ATF7IP: variants seen among roughly 807,000 people sequenced by gnomAD.
ATF7IP encodes activating transcription factor 7 interacting protein.
A neutral mutation model predicts 106.4 loss-of-function variants in ATF7IP; 23 were observed. The observed-to-expected ratio is 0.22, with a 90% CI of 0.16 to 0.31. The LOEUF (loss-of-function observed/expected upper bound fraction) is 0.31. Ranked by LOEUF, ATF7IP falls within the 10% of genes least tolerant of loss-of-function variation. The pLI is 1.00. For synonymous variants in ATF7IP, 542 were observed against 539.0 expected (o/e 1.01, Z -0.08); for missense variants, 1,334 against 1,524.3 (o/e 0.88, Z 2.08).
At chr12:14,409,800 C>T (rs142162962) in intron 1 of ATF7IP, among the ~76,000 whole-genome samples, 79 of 152,166 alleles carry the variant, frequency 5.2e-4, no homozygotes, top group Admixed American at 1.2e-3. Flanking sequence ...AACCAACACT[C>T]GGTTCTCTTG....
intron 1 of ATF7IP, among the ~76,000 whole-genome samples, chr12:14,401,486 C>T (rs1281165041): frequency 2.0e-5 from 3 of 152,090 alleles, no homozygotes; most frequent in African/African-American, 4.8e-5. Context: ...CGTGAGCCAT[C>T]GTGCCTGGCC....
Position 14,424,841 on chromosome 12 carries a change from G to A in ATF7IP, c.926G>A (p.Ser309Asn). Residue 309 changes from serine to asparagine, a missense_variant, in exon 2 of 15, where the codon AGT becomes AAT. Around this residue, in one of 10 missense-constraint regions of ATF7IP, gnomAD observed 438 missense variants for 405.3 expected, o/e 1.08. Coordinates refer to ENST00000261168, the MANE Select transcript of ATF7IP (RefSeq NM_018179.5). ...PVPEIDNIEP[S>N]SNKDDDFLEK... ...CCTGAAATTGACAATATAGAACCAA[G>A]TAGCAATAAAGATGATGATTTTCTT... 6.2e-7 allele frequency: 1 copy of A among 1,613,554 alleles called. No individual in the cohort carries two copies. The highest frequency in any genetic ancestry group is 8.5e-7 in the Non-Finnish European group (1 of 1,179,886).
chr12:14,474,647 C>A (rs1944191987), intron 10 of ATF7IP, among the ~76,000 whole-genome samples: 1 of 152,148 alleles, frequency 6.6e-6, no homozygotes, highest in African/African-American at 2.4e-5. Flanking sequence ...GATTTGCCTG[C>A]CTCAGCCAAC....
At chr12:14,402,318 G>A (rs1204384358) in intron 1 of ATF7IP, among the ~76,000 whole-genome samples, 1 of 151,410 alleles carries the variant, frequency 6.6e-6, no homozygotes, top group African/African-American at 2.4e-5. Context: ...TGTTGAGATG[G>A]GGTCTCGCTG....
intron 9 of ATF7IP, 104 bp from the exon 10 acceptor site, chr12:14,466,422 A>G (rs1234650284): frequency 2.3e-6 from 2 of 868,452 alleles, no homozygotes; most frequent in Non-Finnish European, 3.7e-6. Flanking sequence ...TGACATGTTG[A>G]CGGAAAAGTA....
chr12:14,375,141 G>GA (rs151015993), intron 1 of ATF7IP, among the ~76,000 whole-genome samples: 1,544 of 140,096 alleles, frequency 0.011, 23 homozygotes, highest in African/African-American at 0.037. Flanking sequence ...AGGTGGAGGT[G>GA]AAAAAAAAAA....
chr12:14,386,776 G>T (rs1173104447), intron 1 of ATF7IP, among the ~76,000 whole-genome samples: 2 of 152,074 alleles, frequency 1.3e-5, no homozygotes, highest in African/African-American at 2.4e-5. Context: ...ATTAGATCCA[G>T]ATCTAGTTCA....
intron 6 of ATF7IP, among the ~76,000 whole-genome samples, chr12:14,449,998 T>C (rs1565522102): frequency 6.6e-6 from 1 of 152,154 alleles, no homozygotes; most frequent in South Asian, 2.1e-4. Context: ...TTATAGTTTA[T>C]AGATATGCAA....
At position 14,431,914 on chromosome 12, in the gene ATF7IP, T is replaced by A. The variant is rs941758838; in HGVS notation, c.1559-2423T>A. Among the ~76,000 whole-genome samples the A allele has an allele frequency of 2.0e-5, 3 of 152,348 alleles. No homozygotes were observed. In the South Asian group the frequency reaches 6.2e-4, roughly 32 times the overall value. On this transcript the variant is annotated intron_variant, in intron 2 of 14. Transcript: ENST00000261168. ...TGTAGAATTTGTTAATACCATTTTT[T>A]AAATCCCAAGTTCTTTCCGTTACAA...
At chr12:14,406,773 T>C (rs780879771) in intron 1 of ATF7IP, among the ~76,000 whole-genome samples, 7 of 151,852 alleles carry the variant, frequency 4.6e-5, no homozygotes, top group Non-Finnish European at 7.4e-5. Context: ...TTTGTATTTT[T>C]AGTAGAGACA....
chr12:14,391,121 T>C lies in ATF7IP; in HGVS notation c.-8+25294T>C, dbSNP rs575617948. Among the ~76,000 whole-genome samples, 3 of 152,356 alleles carry C rather than the reference T, an allele frequency of 2.0e-5. No individual in the cohort carries two copies. In the South Asian group the frequency reaches 6.2e-4, roughly 32 times the overall value. On this transcript the variant is annotated intron_variant, in intron 1 of 14. Coordinates refer to ENST00000261168, the MANE Select transcript of ATF7IP (RefSeq NM_018179.5). ...TAATGTCTATTCAAATAAGTGATTG[T>C]TTTTTAATTGCTCAGGTTAGAACTC...
intron 5 of ATF7IP, among the ~76,000 whole-genome samples, chr12:14,439,218 C>T (rs1401851330): frequency 6.6e-6 from 1 of 152,072 alleles, no homozygotes; most frequent in African/African-American, 2.4e-5. Flanking sequence ...TGTATGGTTC[C>T]TATTGGGTTA....
Position 14,448,298 on chromosome 12 carries a change from A to G in ATF7IP, c.1995+1245A>G, listed in dbSNP as rs572298454. Among the ~76,000 whole-genome samples the G allele has an allele frequency of 1.3e-4, 20 of 152,326 alleles. No homozygotes were observed. In the East Asian group the frequency reaches 3.9e-3, roughly 29 times the overall value. On this transcript the variant is annotated intron_variant, in intron 6 of 14. Transcript: ENST00000261168. ...TGGTGAAATCTTATCGCTGTAGTAC[A>G]GTATCAAAGTGAAGAAATTGACAAT... is the stretch of plus-strand genomic sequence containing the variant.
intron 1 of ATF7IP, among the ~76,000 whole-genome samples, chr12:14,391,052 T>C (rs1338045263): frequency 6.6e-6 from 1 of 152,254 alleles, no homozygotes; most frequent in African/African-American, 2.4e-5. Context: ...CCTGCTTTAC[T>C]GCTCTTCACA....
At chr12:14,409,177 ATAAATG>A (rs1940775597) in intron 1 of ATF7IP, among the ~76,000 whole-genome samples, 1 of 152,084 alleles carries the variant, frequency 6.6e-6, no homozygotes. Context: ...TAAACAATAC[ATAAATG>A]TAGTATTAGA....
At chr12:14,436,782 CTT>C (rs58703478) in intron 4 of ATF7IP, among the ~76,000 whole-genome samples, 40 of 148,246 alleles carry the variant, frequency 2.7e-4, no homozygotes, top group South Asian at 1.9e-3. Flanking sequence ...TTGGCTACAT[CTT>C]TTTTTTTTTT....
chr12:14,400,022 C>T (rs1940095601), intron 1 of ATF7IP, among the ~76,000 whole-genome samples: 1 of 152,172 alleles, frequency 6.6e-6, no homozygotes, highest in Non-Finnish European at 1.5e-5. Context: ...TAGCTGCATT[C>T]ACAAATGTGA....
In ATF7IP at chr12:14,434,324, T is replaced by C; in HGVS notation, c.1559-13T>C. On this transcript the variant is annotated splice_polypyrimidine_tract_variant and intron_variant, in intron 2 of 14. Transcript: ENST00000261168. Reference sequence around the variant, plus strand: ...AGTAGAAGTAAGATTTTCTTTTCTATATTTGTTAACAGCAGAAGTAGAAAG... The same window carrying C: ...AGTAGAAGTAAGATTTTCTTTTCTACATTTGTTAACAGCAGAAGTAGAAAG... The C allele has an allele frequency of 2.1e-6, 3 of 1,431,630 alleles. No individual in the cohort carries two copies. The South Asian group carries it at 3.7e-5, about 17-fold the overall frequency. The allele number at this position is 1,431,630 out of a possible 1,614,324, so 88.7% of individuals were successfully genotyped here.
chr12:14,481,054 G>T lies in ATF7IP; in HGVS notation c.3149G>T (p.Arg1050Ile). ...THRPVTQVTTRLPVPRAPANH... is the reference protein window; with the variant it reads ...THRPVTQVTTILPVPRAPANH... ...CGTCCAGTAACTCAGGTGACCACAAGACTCCCTGTACCAAGAGCTCCTGCA... is the reference window on the plus strand; with the variant it reads ...CGTCCAGTAACTCAGGTGACCACAATACTCCCTGTACCAAGAGCTCCTGCA... The change falls in exon 13 of 15, where the codon AGA becomes ATA. Residue 1050 changes from arginine (R) to isoleucine (I), a missense_variant. Arg to Ile is a moderately conservative substitution (Grantham distance 97). This residue lies in a region of ATF7IP where 370 missense variants were observed against 401.2 expected (regional missense o/e 0.92). Transcript: ENST00000261168. 1.2e-6 allele frequency: 2 copies of T among 1,613,962 alleles called. No homozygotes were observed. Among genetic ancestry groups the T allele is most frequent in the Non-Finnish European group, 1.7e-6 (2 of 1,179,940 alleles).
Sources: gnomAD v4.1 joint callset for allele counts (sites outside exome capture counted in the v4.1 genomes callset) on GRCh38, gnomAD v4.1.1 for gene constraint, gnomAD v4.1.1 regional missense constraint, MANE v1.5 for transcripts, NCBI Gene and HGNC (gene_info 2026-07-23, HGNC 2026-07-21) for gene names.